CHIC2: variants seen among roughly 807,000 people sequenced by gnomAD.
CHIC2 encodes cysteine rich hydrophobic domain 2, also known as cysteine-rich hydrophobic domain-containing protein 2.
CHIC2 carries 14 observed loss-of-function variants against 25.9 expected under a neutral mutation model. That is an observed-to-expected ratio of 0.54 (90% CI 0.36 to 0.85). The LOEUF (loss-of-function observed/expected upper bound fraction) is 0.85, where lower values mean the gene tolerates loss of function less well. Ranked by LOEUF, CHIC2 falls within the 40% of genes least tolerant of loss-of-function variation. The pLI is 0.01. For synonymous variants in CHIC2, 70 were observed against 72.0 expected (o/e 0.97, Z 0.14); for missense variants, 146 against 202.0 (o/e 0.72, Z 1.68).
chr4:54,075,279 T>A, the CHIC2 span, among the ~76,000 whole-genome samples: 2 of 152,212 alleles, frequency 1.3e-5, no homozygotes, highest in Non-Finnish European at 2.9e-5. Context: ...TTTAAAGATA[T>A]CAATGTGTCC....
chr4:54,052,402 A>C (rs1717029145), intron 1 of CHIC2, among the ~76,000 whole-genome samples: 1 of 152,168 alleles, frequency 6.6e-6, no homozygotes. Context: ...TTATAAATGT[A>C]CCTACAAGTT....
chr4:54,070,515 C>T, the CHIC2 span, among the ~76,000 whole-genome samples: 3 of 152,038 alleles, frequency 2.0e-5, no homozygotes, highest in South Asian at 2.1e-4. Context: ...CTCCACCTCC[C>T]GGATTCAAGC....
intron 3 of CHIC2, among the ~76,000 whole-genome samples, chr4:54,030,192 G>GA (rs1284446785): frequency 1.2e-4 from 18 of 152,134 alleles, no homozygotes; most frequent in Non-Finnish European, 1.9e-4. Context: ...ATTCAGAAAA[G>GA]AAAAAACCTA....
At chr4:54,034,347 T>C (rs1716318473) in intron 3 of CHIC2, among the ~76,000 whole-genome samples, 1 of 151,760 alleles carries the variant, frequency 6.6e-6, no homozygotes, top group African/African-American at 2.4e-5. Flanking sequence ...GAAGTTGTGG[T>C]GAGCTGAGAT....
upstream of CHIC2, chr4:54,064,780 C>T (rs947704405): frequency 1.0e-4 from 43 of 432,058 alleles, no homozygotes; most frequent in Non-Finnish European, 1.3e-4. This position sits in a 1 kb window ranked among gnomAD's most constrained non-coding sequence, Gnocchi z 4.2. Context: ...CGTCTTTCCT[C>T]TGCTTCTACC....
rs1191812420 is a variant in CHIC2 at position 54,010,077 on chromosome 4, C to G, written c.*18G>C. 4 of 1,569,236 alleles carry G rather than the reference C, an allele frequency of 2.5e-6. No homozygotes were observed. Among genetic ancestry groups the G allele is most frequent in the Admixed American group, 3.4e-5 (2 of 59,472 alleles). On this transcript the variant is annotated 3_prime_UTR_variant, in exon 6 of 6. Coordinates refer to ENST00000263921, the MANE Select transcript of CHIC2 (RefSeq NM_012110.4). ...GAAAGACAACATACTTGGAAAGTCT[C>G]TATAAATAAAGTAAATGCTAATCTG...
intron 3 of CHIC2, among the ~76,000 whole-genome samples, chr4:54,024,813 A>T (rs926736248): frequency 7.2e-5 from 11 of 152,132 alleles, no homozygotes; most frequent in Non-Finnish European, 1.5e-4. Context: ...TCTTTTATTC[A>T]GACCTTCTAA....
the CHIC2 span, among the ~76,000 whole-genome samples, chr4:54,080,304 C>G: frequency 1.3e-5 from 2 of 151,308 alleles, no homozygotes; most frequent in South Asian, 2.1e-4. Flanking sequence ...AAGACAAATG[C>G]TATATAATCT....
chr4:54,056,510 T>C (rs1192577236), intron 1 of CHIC2, among the ~76,000 whole-genome samples: 1 of 152,160 alleles, frequency 6.6e-6, no homozygotes, highest in Admixed American at 6.6e-5. Flanking sequence ...GAAAGGAGAC[T>C]GGGTACATAG....
the CHIC2 span, among the ~76,000 whole-genome samples, chr4:54,079,443 T>C: frequency 6.6e-6 from 1 of 151,872 alleles, no homozygotes; most frequent in Non-Finnish European, 1.5e-5. Context: ...AAAAAGCTTC[T>C]GCACAGCAAA....
At chr4:54,039,641 T>C (rs1176327989) in intron 3 of CHIC2, among the ~76,000 whole-genome samples, 2 of 152,208 alleles carry the variant, frequency 1.3e-5, no homozygotes, top group Non-Finnish European at 2.9e-5. Context: ...TCACCCACTT[T>C]GGAAAACAGT....
chr4:54,013,945 C>T lies in CHIC2; in HGVS notation c.388-49G>A, dbSNP rs1220383065. The T allele has an allele frequency of 2.5e-6, 4 of 1,599,500 alleles. No homozygotes were observed. The South Asian group carries it at 3.3e-5, about 13-fold the overall frequency. Reference sequence around the variant, plus strand: ...AAGAAAAATGAGCTCTATTTTATTGCAGCACACAGACTAACCCATTTGTCC... The same window carrying T: ...AAGAAAAATGAGCTCTATTTTATTGTAGCACACAGACTAACCCATTTGTCC... On this transcript the variant is annotated intron_variant, in intron 4 of 5. Coordinates refer to ENST00000263921, the MANE Select transcript of CHIC2 (RefSeq NM_012110.4).
chr4:54,052,991 T>A (rs1443086268), intron 1 of CHIC2, among the ~76,000 whole-genome samples: 4 of 152,138 alleles, frequency 2.6e-5, no homozygotes, highest in Non-Finnish European at 5.9e-5. Flanking sequence ...CTTATCTCAA[T>A]ATAACAGAAT....
intron 3 of CHIC2, among the ~76,000 whole-genome samples, chr4:54,047,964 A>C (rs949443142): frequency 6.6e-6 from 1 of 152,112 alleles, no homozygotes; most frequent in Non-Finnish European, 1.5e-5. Context: ...ATAATTTGTC[A>C]TATCTCTACC....
chr4:54,079,251 C>T, the CHIC2 span, among the ~76,000 whole-genome samples: 15,335 of 152,108 alleles, frequency 0.1, 916 homozygotes, highest in Non-Finnish European at 0.14. Context: ...ACAAAACTTC[C>T]CCTTCCAGAA....
chr4:54,012,970 T>C (rs1246528072), intron 5 of CHIC2, among the ~76,000 whole-genome samples: 1 of 152,046 alleles, frequency 6.6e-6, no homozygotes, highest in Non-Finnish European at 1.5e-5. Flanking sequence ...CACGCACACA[T>C]CTATGATGGC....
chr4:54,046,521 C>T (rs1716822695), intron 3 of CHIC2, among the ~76,000 whole-genome samples: 1 of 152,154 alleles, frequency 6.6e-6, no homozygotes, highest in Admixed American at 6.5e-5. Context: ...TGATCTTTGA[C>T]AAACCTGACA....
chr4:54,012,665 G>C (rs1568512), intron 5 of CHIC2, among the ~76,000 whole-genome samples: 30,617 of 151,870 alleles, frequency 0.2, 4,561 homozygotes, highest in African/African-American at 0.42. Flanking sequence ...AAATACAAGA[G>C]TAGTCTCCTC....
chr4:54,017,833 A>AAAC (rs1304935590), intron 3 of CHIC2, among the ~76,000 whole-genome samples: 1 of 152,168 alleles, frequency 6.6e-6, no homozygotes, highest in African/African-American at 2.4e-5. Flanking sequence ...ACAAAAACAA[A>AAAC]AACAAAAACA....
Sources: gnomAD v4.1 joint callset for allele counts (sites outside exome capture counted in the v4.1 genomes callset) on GRCh38, gnomAD v4.1.1 for gene constraint, Gnocchi (gnomAD v3.1) non-coding constraint, MANE v1.5 for transcripts, NCBI Gene and HGNC (gene_info 2026-07-23, HGNC 2026-07-21) for gene names.